Variants in THAP5 observed in about 807,000 individuals in gnomAD.
THAP5 encodes the protein THAP domain-containing protein 5.
In THAP5, 26 loss-of-function variants were observed where a neutral mutation model predicts 34.0. That is an observed-to-expected ratio of 0.77 (90% confidence interval 0.56 to 1.06). THAP5 has a LOEUF of 1.06. Among genes scored for constraint, THAP5 ranks in the 50% least tolerant of loss-of-function variants. The probability of loss-of-function intolerance (pLI) is 0.00; values close to 1 mark genes in which losing one functional copy is unlikely to be tolerated. For synonymous variants in THAP5, 125 were observed against 153.0 expected, an observed-to-expected ratio of 0.82 and a Z score of 1.35; for missense variants, 394 against 452.8, an observed-to-expected ratio of 0.87 and a Z score of 1.18.
chr7:108,569,598 G>A lies in THAP5; in HGVS notation c.-29C>T. ...TCGGGTGAGGCCCCTGGAGACCGGG[G>A]CCGGCGACGGATGCAGGGCGGCCCT... On this transcript the variant is annotated 5_prime_UTR_variant, in exon 1 of 3. Coordinates refer to ENST00000415914, the MANE Select transcript of THAP5 (RefSeq NM_001130475.3). 2.6e-6 allele frequency: 4 copies of A among 1,549,922 alleles called. No homozygotes were observed. The highest frequency in any genetic ancestry group is 1.9e-4 in the Middle Eastern group (1 of 5,248).
rs1304624632 is a variant in THAP5, at chr7:108,562,489, A to C, written c.*1702T>G. ...AACTAAGTCAAATATGGCCAAAAATAATCATCATGCATTTACAAAACAATA... is the reference window on the plus strand; with the variant it reads ...AACTAAGTCAAATATGGCCAAAAATCATCATCATGCATTTACAAAACAATA... On this transcript the variant is annotated 3_prime_UTR_variant, in exon 3 of 3. Transcript: ENST00000415914. The C allele has an allele frequency of 6.6e-6, 1 of 152,234 alleles. No homozygotes were observed. Among genetic ancestry groups the C allele is most frequent in the Admixed American group, 6.5e-5 (1 of 15,274 alleles). The allele number at this position is 152,234 out of a possible 1,614,324, so 9.4% of individuals were successfully genotyped here.
chr7:108,547,979 CA>C, the THAP5 span, among the ~76,000 whole-genome samples: 1 of 152,248 alleles, frequency 6.6e-6, no homozygotes, highest in East Asian at 1.9e-4. Context: ...TGAAATTTTG[CA>C]TTAAATTTTA....
Position 108,565,843 on chromosome 7 carries a change from G to T in THAP5, c.260C>A (p.Pro87His), listed in dbSNP as rs973181559. Residue 87 changes from proline to histidine, a missense_variant, in exon 2 of 3, where the codon CCT (proline) becomes CAT (histidine). Transcript: ENST00000415914. ...QTAVPTIFSLPEDNQGKDPSK... is the reference protein window; with the variant it reads ...QTAVPTIFSLHEDNQGKDPSK... ...ATACTGCAATACCTGATTGTCTTCA[G>T]GCAAAGAAAATATTGTTGGAACTGC... 3 of 1,544,934 alleles carry T rather than the reference G, an allele frequency of 1.9e-6. No individual in the cohort carries two copies. Among genetic ancestry groups the T allele is most frequent in the Non-Finnish European group, 2.6e-6 (3 of 1,145,068 alleles).
chr7:108,566,082 G>A (rs1271740724), intron 1 of THAP5, 60 bp from the exon 2 acceptor site: 1 of 1,422,518 alleles, frequency 7.0e-7, no homozygotes, highest in Admixed American at 2.8e-5. Context: ...TTACAATTTT[G>A]CCAAATTCCC....
chr7:108,554,390 A>C (rs1200740740), downstream of THAP5, among the ~76,000 whole-genome samples: 1 of 152,154 alleles, frequency 6.6e-6, no homozygotes, highest in Non-Finnish European at 1.5e-5. Flanking sequence ...CTGCATTGAG[A>C]GTGATGTGGG....
rs772012947 is a variant in THAP5 at position 108,564,993 on chromosome 7, T to G, written c.386A>C (p.Asn129Thr). ...ESFVLNETKK[N>T]IVNTDVPHQH... ...ATGGGGCACATCTGTGTTAACTATATTTTTCTTTGTCTCATTTAATACAAA... is the reference window on the plus strand; with the variant it reads ...ATGGGGCACATCTGTGTTAACTATAGTTTTCTTTGTCTCATTTAATACAAA... The change falls in exon 3 of 3, where the codon AAT becomes ACT. Residue 129 changes from asparagine (N) to threonine (T), a missense_variant. Asn to Thr is a moderately conservative substitution (Grantham distance 65, BLOSUM62 0). Transcript: ENST00000415914. The G allele has an allele frequency of 1.0e-5, 16 of 1,552,338 alleles. No individual in the cohort carries two copies. Among genetic ancestry groups the G allele is most frequent in the African/African-American group, 1.4e-5 (1 of 73,092 alleles).
At chr7:108,550,741 C>G (rs745763553), downstream of THAP5, among the ~76,000 whole-genome samples, 1 of 152,072 alleles carries the variant, frequency 6.6e-6, no homozygotes, top group African/African-American at 2.4e-5. Flanking sequence ...TTTGTATGTC[C>G]GAATTTTCTC....
chr7:108,557,605 CA>C (rs1380301568), downstream of THAP5, among the ~76,000 whole-genome samples: 5 of 152,218 alleles, frequency 3.3e-5, no homozygotes, highest in Non-Finnish European at 7.3e-5. Context: ...TCCCCATCTC[CA>C]TCTGAGACCT....
chr7:108,561,430 ATTTTTTT>A (rs372485775), downstream of THAP5, among the ~76,000 whole-genome samples: 24 of 127,962 alleles, frequency 1.9e-4, no homozygotes, highest in African/African-American at 6.2e-4. Flanking sequence ...TGCCTGGCTG[ATTTTTTT>A]TTTTTTTTTT....
chr7:108,547,020 C>CA, the THAP5 span, among the ~76,000 whole-genome samples: 1 of 152,156 alleles, frequency 6.6e-6, no homozygotes, highest in African/African-American at 2.4e-5. Flanking sequence ...AGTTGATATG[C>CA]TGAAGGGTGT....
chr7:108,564,564 A>G lies in THAP5; in HGVS notation c.815T>C (p.Ile272Thr). ...ATTTTCAGCAGGTACAAAAATGGCAATAACAGATTCTTTATTTGTGTTTAA... is the reference window on the plus strand; with the variant it reads ...ATTTTCAGCAGGTACAAAAATGGCAGTAACAGATTCTTTATTTGTGTTTAA... ...EELNTNKESVIAIFVPAENSK... is the reference protein window; with the variant it reads ...EELNTNKESVTAIFVPAENSK... Residue 272 changes from isoleucine to threonine, a missense_variant, in exon 3 of 3, where the codon ATT becomes ACT. Physicochemically the swap from Ile to Thr is moderately conservative, Grantham distance 89. Coordinates refer to ENST00000415914, the MANE Select transcript of THAP5 (RefSeq NM_001130475.3). The G allele has an allele frequency of 1.2e-6, 2 of 1,613,876 alleles. No individual in the cohort carries two copies. Among genetic ancestry groups the G allele is most frequent in the Non-Finnish European group, 1.7e-6 (2 of 1,179,896 alleles).
chr7:108,559,923 T>C (rs1864414475), downstream of THAP5, among the ~76,000 whole-genome samples: 1 of 152,170 alleles, frequency 6.6e-6, no homozygotes, highest in Admixed American at 6.5e-5. Context: ...TGAGATGAAA[T>C]TTAGGTGGGG....
chr7:108,542,743 G>A, the THAP5 span, among the ~76,000 whole-genome samples: 9 of 152,200 alleles, frequency 5.9e-5, no homozygotes, highest in Non-Finnish European at 1.0e-4. Context: ...GATTACAGGC[G>A]TGAGCCACTG....
the THAP5 span, among the ~76,000 whole-genome samples, chr7:108,547,380 C>T: frequency 1.3e-5 from 2 of 152,166 alleles, no homozygotes; most frequent in Non-Finnish European, 2.9e-5. Flanking sequence ...TTAAACACCA[C>T]ACATCTTTAT....
chr7:108,548,599 A>C, the THAP5 span, among the ~76,000 whole-genome samples: 1 of 152,220 alleles, frequency 6.6e-6, no homozygotes, highest in Non-Finnish European at 1.5e-5. Context: ...AAGAGGTTTA[A>C]TTGACTCACA....
chr7:108,564,683 A>G lies in THAP5; in HGVS notation c.696T>C (p.Leu232=), dbSNP rs2154518070. The G allele has an allele frequency of 1.9e-6, 3 of 1,613,996 alleles. No homozygotes were observed. The highest frequency in any genetic ancestry group is 1.7e-4 in the Middle Eastern group (1 of 6,058). Residue 232 remains leucine (L), a synonymous_variant, in exon 3 of 3, where the codon CTT becomes CTC. Coordinates refer to ENST00000415914, the MANE Select transcript of THAP5 (RefSeq NM_001130475.3). ...AATTACTTGTAAAGTTTGGATTAGC[A>G]AGATGACTGGTAGTTACTTCAAGAA... The part of the protein sequence containing the change: ...QEVLEVTTSH[L]ANPNFTSNSM...
chr7:108,552,055 C>A (rs1864356682), downstream of THAP5, among the ~76,000 whole-genome samples: 1 of 152,092 alleles, frequency 6.6e-6, no homozygotes. Flanking sequence ...GTGATAGAGG[C>A]TAGGTGGGGT....
chr7:108,565,352 A>G (rs1790463395), intron 2 of THAP5: 1 of 300,900 alleles, frequency 3.3e-6, no homozygotes, highest in Middle Eastern at 1.0e-3. Context: ...AGATCAACTG[A>G]GGTCAGGAGT....
the THAP5 span, among the ~76,000 whole-genome samples, chr7:108,542,952 A>G: frequency 6.7e-6 from 1 of 148,720 alleles, no homozygotes; most frequent in South Asian, 2.1e-4. Flanking sequence ...TTTGAGATGG[A>G]GTCTCGCTTT....
Sources: allele counts gnomAD v4.1 joint callset (sites outside exome capture counted in the v4.1 genomes callset), GRCh38; gene constraint gnomAD v4.1.1; transcripts MANE v1.5; gene names NCBI Gene and HGNC (gene_info 2026-07-23, HGNC 2026-07-21).